The following ALG12 variants were observed in gnomAD, a reference collection of about 807,000 sequenced individuals.
ALG12 encodes the protein dol-P-Man:Man(7)GlcNAc(2)-PP-Dol alpha-1,6-mannosyltransferase.
A neutral mutation model predicts 46.0 loss-of-function variants in ALG12; 36 were observed. The observed-to-expected ratio is 0.78, with a 90% CI of 0.60 to 1.03. The LOEUF (loss-of-function observed/expected upper bound fraction) is 1.03, where lower values mean the gene tolerates loss of function less well. ALG12 is among the 50% of genes least tolerant of loss of function. The pLI is 0.00. For missense variants in ALG12, 599 were observed against 633.5 expected, an observed-to-expected ratio of 0.95 and a Z score of 0.58; for synonymous variants, 326 against 291.6, an observed-to-expected ratio of 1.12 and a Z score of -1.20.
the ALG12 span, among the ~76,000 whole-genome samples, chr22:49,871,777 C>T: frequency 2.1e-5 from 3 of 142,672 alleles, no homozygotes; most frequent in Non-Finnish European, 3.1e-5. Flanking sequence ...TTTTTTGAGA[C>T]AGAGTCTTAC....
intron 3 of ALG12, among the ~76,000 whole-genome samples, chr22:49,912,191 G>A (rs1030345250): frequency 1.3e-5 from 2 of 152,094 alleles, no homozygotes; most frequent in African/African-American, 4.8e-5. Flanking sequence ...CATCCAGAGA[G>A]GAAGGATTTT....
downstream of ALG12, among the ~76,000 whole-genome samples, chr22:49,897,663 C>CTT (rs146468551): frequency 0.019 from 1,977 of 103,418 alleles, 57 homozygotes; most frequent in African/African-American, 0.048. Flanking sequence ...CCCATGTTTT[C>CTT]TTTTTTTTTT....
rs1173603082 is a variant in ALG12, at chr22:49,904,021, T to C, written c.1284A>G (p.Ala428=). 1.2e-6 allele frequency: 2 copies of C among 1,614,052 alleles called. No homozygotes were observed. The highest frequency in any genetic ancestry group is 2.7e-5 in the African/African-American group (2 of 74,916). The stretch of plus-strand genomic sequence containing the variant: ...CCGCCTCCATGAGGATGTGTGTGTA[T>C]GCCAGCATGCCTGTCCCCGGCTGCA... ...EDVQPGTGML[A]YTHILMEAAP... is the part of the protein sequence containing the mutation. The change falls in exon 10 of 10, where the codon GCA becomes GCG. Residue 428 remains alanine (A), a synonymous_variant. Transcript: ENST00000330817.
the ALG12 span, among the ~76,000 whole-genome samples, chr22:49,867,921 A>T: frequency 1.3e-5 from 2 of 152,238 alleles, no homozygotes; most frequent in African/African-American, 2.4e-5. Context: ...CCTGACACAA[A>T]GCCTGTTTTG....
the ALG12 span, among the ~76,000 whole-genome samples, chr22:49,864,390 C>G: frequency 6.6e-6 from 1 of 152,138 alleles, no homozygotes; most frequent in African/African-American, 2.4e-5. Flanking sequence ...TATTTTTTGC[C>G]TAAGTCTTCC....
chr22:49,878,599 T>TA, the ALG12 span, among the ~76,000 whole-genome samples: 8 of 152,098 alleles, frequency 5.3e-5, no homozygotes, highest in Non-Finnish European at 8.8e-5. Flanking sequence ...ATATAAAACT[T>TA]AAAACTTCTA....
At chr22:49,866,472 T>C in the ALG12 span, among the ~76,000 whole-genome samples, 7 of 152,188 alleles carry the variant, frequency 4.6e-5, no homozygotes, top group African/African-American at 1.7e-4. Context: ...TCTTCTTTTT[T>C]AGGTCTTCAT....
chr22:49,885,018 G>T, the ALG12 span: 3 of 1,612,994 alleles, frequency 1.9e-6, no homozygotes, highest in Non-Finnish European at 2.5e-6. Flanking sequence ...AGAATAAAAA[G>T]GTCATGAAAA....
intron 1 of ALG12, among the ~76,000 whole-genome samples, chr22:49,915,829 G>A (rs1416395096): frequency 6.6e-6 from 1 of 152,176 alleles, no homozygotes; most frequent in Non-Finnish European, 1.5e-5. Context: ...CTCATCCTGC[G>A]GGCAGGGCTT....
intron 7 of ALG12, 139 bp from the exon 8 acceptor site, chr22:49,904,645 A>G (rs892608375): frequency 1.0e-6 from 1 of 980,872 alleles, no homozygotes; most frequent in African/African-American, 1.6e-5. Flanking sequence ...AATAAAACAG[A>G]GTCAGTAACC....
At position 49,912,339 on chromosome 22, in the gene ALG12, C is replaced by T. The variant is rs76753771; in HGVS notation, c.295+1046G>A. Among the ~76,000 whole-genome samples, 18 of 152,366 alleles carry T rather than the reference C, an allele frequency of 1.2e-4. No individual in the cohort carries two copies. In the East Asian group the frequency reaches 3.3e-3, roughly 28 times the overall value. ...TTCTGTCCAGCTGGAGTCCACCCAG[C>T]TCTGCCCAACCTCCCAACCTCTTGC... On this transcript the variant is annotated intron_variant, in intron 3 of 9. Transcript: ENST00000330817.
At chr22:49,884,702 G>A in the ALG12 span, 1 of 1,597,152 alleles carries the variant, frequency 6.3e-7, no homozygotes, top group East Asian at 2.2e-5. Context: ...GGGGGCACGG[G>A]CATCCCGCCA....
chr22:49,904,278 AGAGCCCAGCCCTGCAGTCG>A, intron 8 of ALG12, 24 bp from the exon 9 acceptor site: 1 of 1,614,182 alleles, frequency 6.2e-7, no homozygotes, highest in Non-Finnish European at 8.5e-7. Flanking sequence ...GCCTGCCGTC[AGAGCCCAGCCCTGCAGTCG>A]GAGCCACAGC....
chr22:49,910,104 G>A lies in ALG12; in HGVS notation c.470-16C>T. 5.0e-6 allele frequency: 8 copies of A among 1,591,920 alleles called. No individual in the cohort carries two copies. The highest frequency in any genetic ancestry group is 6.8e-6 in the Non-Finnish European group (8 of 1,169,782). On this transcript the variant is annotated splice_polypyrimidine_tract_variant and intron_variant, in intron 4 of 9. Coordinates refer to ENST00000330817, the MANE Select transcript of ALG12 (RefSeq NM_024105.4). ...GCCAGCAGGACTGCAAGACAGTGCGGGAGGGTGCTCGTCAAGACACAGGGC... is the reference window on the plus strand; with the variant it reads ...GCCAGCAGGACTGCAAGACAGTGCGAGAGGGTGCTCGTCAAGACACAGGGC...
In ALG12 at chr22:49,910,029, C is replaced by G. The variant is rs1186957751; in HGVS notation, c.529G>C (p.Ala177Pro). 6.2e-7 allele frequency: 1 copy of G among 1,613,458 alleles called. No homozygotes were observed. The highest frequency in any genetic ancestry group is 1.1e-5 in the South Asian group (1 of 91,068). The stretch of plus-strand genomic sequence containing the variant: ...ACCCTGAACACGATGATGGCGAAGG[C>G]TGACAGCCAGATGAAGCGGGCCCAC... ...HEWARFIWLS[A>P]FAIIVFRVEL... Residue 177 changes from alanine (A) to proline (P), a missense_variant, in exon 5 of 10, where the codon GCC (alanine) becomes CCC (proline). Coordinates refer to ENST00000330817, the MANE Select transcript of ALG12 (RefSeq NM_024105.4).
At chr22:49,860,621 GAC>G in the ALG12 span, among the ~76,000 whole-genome samples, 7,304 of 152,104 alleles carry the variant, frequency 0.048, 405 homozygotes, top group African/African-American at 0.14. Flanking sequence ...AAAGAAATAA[GAC>G]AAATATTATT....
At chr22:49,892,621 G>A in the ALG12 span, among the ~76,000 whole-genome samples, 1 of 152,240 alleles carries the variant, frequency 6.6e-6, no homozygotes, top group African/African-American at 2.4e-5. Flanking sequence ...TTCAGTGCCT[G>A]CCATTGAGAA....
At chr22:49,917,952 C>T (rs1569180386) in intron 1 of ALG12, among the ~76,000 whole-genome samples, 1 of 151,510 alleles carries the variant, frequency 6.6e-6, no homozygotes, top group South Asian at 2.1e-4. Flanking sequence ...AGGTCCGGCC[C>T]CAGGTGAGGA....
chr22:49,864,783 G>A, the ALG12 span, among the ~76,000 whole-genome samples: 4 of 126,032 alleles, frequency 3.2e-5, no homozygotes, highest in African/African-American at 6.2e-5. Context: ...ATTGTGTACT[G>A]CACTCCAGCC....
Sources: gnomAD v4.1 joint callset for allele counts (sites outside exome capture counted in the v4.1 genomes callset) on GRCh38, gnomAD v4.1.1 for gene constraint, MANE v1.5 for transcripts, NCBI Gene and HGNC (gene_info 2026-07-23, HGNC 2026-07-21) for gene names.